Variants in NCAM1 observed in about 807,000 individuals in gnomAD.
NCAM1 encodes neural cell adhesion molecule 1, also known as antigen recognized by monoclonal antibody 5.1H11.
A neutral mutation model predicts 109.8 loss-of-function variants in NCAM1; 14 were observed. That is an observed-to-expected ratio of 0.13 (90% CI 0.08 to 0.20). NCAM1 has a LOEUF of 0.20. NCAM1 is among the 10% of genes least tolerant of loss of function. The pLI is 1.00. For missense variants in NCAM1, 774 were observed against 1,109.9 expected (o/e 0.70, Z 4.30); for synonymous variants, 418 against 442.9 (o/e 0.94, Z 0.70).
At chr11:113,056,706 G>T (rs1393284682) in intron 1 of NCAM1, among the ~76,000 whole-genome samples, 1 of 152,156 alleles carries the variant, frequency 6.6e-6, no homozygotes, top group African/African-American at 2.4e-5. Flanking sequence ...TTCCCTAGAT[G>T]AGCCTCAGAT....
chr11:113,012,573 C>A (rs1363517437), intron 1 of NCAM1, among the ~76,000 whole-genome samples: 3 of 152,144 alleles, frequency 2.0e-5, no homozygotes, highest in East Asian at 3.9e-4. Context: ...CCCTTGACAG[C>A]TCTAGGGAAG....
rs183337835 is a variant in NCAM1 at position 113,232,063 on chromosome 11, C to T, written c.1241-107C>T. On this transcript the variant is annotated intron_variant, in intron 10 of 19. Coordinates refer to ENST00000316851, the MANE Select transcript of NCAM1 (RefSeq NM_181351.5). Reference sequence around the variant, plus strand: ...TGGCCCTGACCTCTACTATACCAGGCGCTGGCTCTGCTTTGGAGCACACCT... The same window carrying T: ...TGGCCCTGACCTCTACTATACCAGGTGCTGGCTCTGCTTTGGAGCACACCT... The T allele has an allele frequency of 1.4e-4, 166 of 1,161,296 alleles. No homozygotes were observed. In the African/African-American group the frequency reaches 2.1e-3, roughly 14 times the overall value. 71.9% of individuals were successfully genotyped at this position (1,161,296 alleles called of 1,614,324 possible).
At chr11:113,180,570 C>T (rs1165312884) in intron 1 of NCAM1, among the ~76,000 whole-genome samples, 2 of 152,232 alleles carry the variant, frequency 1.3e-5, no homozygotes, top group African/African-American at 4.8e-5. Context: ...AGGGAAACCC[C>T]GAATCTCTGT....
At chr11:113,036,190 C>G (rs556144102) in intron 1 of NCAM1, among the ~76,000 whole-genome samples, 2 of 152,204 alleles carry the variant, frequency 1.3e-5, no homozygotes, top group East Asian at 1.9e-4. Flanking sequence ...ATAACATCAC[C>G]TCTGGTTTGG....
chr11:113,275,478 GCA>G lies in NCAM1; in HGVS notation c.*100_*101del. 4.8e-6 allele frequency: 7 copies of G among 1,448,516 alleles called. No individual in the cohort carries two copies. In the South Asian group the frequency reaches 7.7e-5, roughly 16 times the overall value. 89.7% of individuals were successfully genotyped at this position (1,448,516 alleles called of 1,614,324 possible). ...CAACACCACAGACACACACACGCAC[GCA>G]CACACACAAACACACATGCACACAC... On this transcript the variant is annotated 3_prime_UTR_variant, in exon 20 of 20. Coordinates refer to ENST00000316851, the MANE Select transcript of NCAM1 (RefSeq NM_181351.5).
chr11:113,202,343 T>TG (rs1944090819), intron 1 of NCAM1, 36 bp from the exon 2 acceptor site: 9 of 1,470,666 alleles, frequency 6.1e-6, no homozygotes, highest in Admixed American at 2.0e-5. Context: ...TTTTTTTTTG[T>TG]TTTTTGTTTT....
chr11:113,016,057 G>A (rs553510763), intron 1 of NCAM1, among the ~76,000 whole-genome samples: 3 of 152,260 alleles, frequency 2.0e-5, no homozygotes, highest in Admixed American at 2.0e-4. Context: ...ATTGGAATAC[G>A]ATAACAGCTT....
At chr11:113,027,519 A>G (rs551698946) in intron 1 of NCAM1, among the ~76,000 whole-genome samples, 2 of 152,338 alleles carry the variant, frequency 1.3e-5, no homozygotes, top group African/African-American at 4.8e-5. Context: ...CCTGGATTTT[A>G]GTTCTTATAA....
At chr11:113,171,496 G>A (rs959185973) in intron 1 of NCAM1, among the ~76,000 whole-genome samples, 1 of 152,180 alleles carries the variant, frequency 6.6e-6, no homozygotes, top group Admixed American at 6.5e-5. Flanking sequence ...AGCCAGGCTT[G>A]GTGGCACATG....
intron 1 of NCAM1, among the ~76,000 whole-genome samples, chr11:113,097,425 G>C (rs1939650424): frequency 6.6e-6 from 1 of 152,170 alleles, no homozygotes; most frequent in Admixed American, 6.5e-5. Context: ...GAGTAAGTTT[G>C]TTGAGTTCAA....
At chr11:113,183,875 T>C (rs1271325721) in intron 1 of NCAM1, among the ~76,000 whole-genome samples, 3 of 152,180 alleles carry the variant, frequency 2.0e-5, no homozygotes, top group Non-Finnish European at 4.4e-5. Flanking sequence ...TCTTGATCGT[T>C]TAAAATAGGG....
chr11:113,054,171 C>A (rs1014172772), intron 1 of NCAM1, among the ~76,000 whole-genome samples: 3 of 152,108 alleles, frequency 2.0e-5, no homozygotes, highest in Non-Finnish European at 4.4e-5. Flanking sequence ...GGCTACCAGC[C>A]GAGTGAGTTA....
chr11:113,252,304 G>A (rs1945704299), intron 15 of NCAM1, among the ~76,000 whole-genome samples: 6 of 151,636 alleles, frequency 4.0e-5, no homozygotes, highest in Admixed American at 3.9e-4. Flanking sequence ...TACTCCGGAG[G>A]CTGTGGTGAG....
At chr11:113,235,925 T>C (rs1945155064) in intron 14 of NCAM1, among the ~76,000 whole-genome samples, 1 of 152,198 alleles carries the variant, frequency 6.6e-6, no homozygotes. Context: ...GATACTACCC[T>C]GGGAAGCTCC....
At chr11:113,191,037 A>G (rs1943660688) in intron 1 of NCAM1, among the ~76,000 whole-genome samples, 1 of 152,238 alleles carries the variant, frequency 6.6e-6, no homozygotes, top group Non-Finnish European at 1.5e-5. Flanking sequence ...CAACGTTTTA[A>G]TAAGGAAAGG....
At chr11:113,111,721 C>A (rs762898148) in intron 1 of NCAM1, among the ~76,000 whole-genome samples, 6 of 152,272 alleles carry the variant, frequency 3.9e-5, no homozygotes, top group South Asian at 2.1e-4. Flanking sequence ...GTGTATCCCT[C>A]CACACATTTT....
At chr11:113,121,783 A>T (rs956096607) in intron 1 of NCAM1, among the ~76,000 whole-genome samples, 1 of 152,202 alleles carries the variant, frequency 6.6e-6, no homozygotes, top group African/African-American at 2.4e-5. Flanking sequence ...TTGGGTGCCT[A>T]TCCAGAGATT....
At chr11:113,124,280 G>C (rs1941089068) in intron 1 of NCAM1, among the ~76,000 whole-genome samples, 1 of 152,148 alleles carries the variant, frequency 6.6e-6, no homozygotes. Flanking sequence ...ATCTCCCTAA[G>C]CTTTTCCGGA....
chr11:113,162,809 C>T (rs907534084), intron 1 of NCAM1, among the ~76,000 whole-genome samples: 4 of 152,086 alleles, frequency 2.6e-5, no homozygotes, highest in East Asian at 3.9e-4. Flanking sequence ...AGTGGAGACG[C>T]GATCTCATTA....
Sources: gnomAD v4.1 joint callset for allele counts (sites outside exome capture counted in the v4.1 genomes callset) on GRCh38, gnomAD v4.1.1 for gene constraint, MANE v1.5 for transcripts, NCBI Gene and HGNC (gene_info 2026-07-23, HGNC 2026-07-21) for gene names.